MDFIC2: variants seen among roughly 807,000 people sequenced by gnomAD.
MDFIC2 encodes MyoD family inhibitor domain containing 2.
At chr3:70,251,133 G>A (rs1305969061) in intron 2 of MDFIC2, among the ~76,000 whole-genome samples, 3 of 152,136 alleles carry the variant, frequency 2.0e-5, no homozygotes, top group Non-Finnish European at 4.4e-5. Context: ...GTGGTTAATT[G>A]TAATTCCATT....
chr3:70,219,319 T>C (rs533918638), intron 2 of MDFIC2, among the ~76,000 whole-genome samples: 1 of 152,298 alleles, frequency 6.6e-6, no homozygotes, highest in Admixed American at 6.5e-5. Context: ...GAAAGTAGAA[T>C]GGAATTAGTG....
At chr3:70,273,300 C>G (rs1409182206) in intron 2 of MDFIC2, among the ~76,000 whole-genome samples, 1 of 152,178 alleles carries the variant, frequency 6.6e-6, no homozygotes, top group Non-Finnish European at 1.5e-5. Flanking sequence ...TCTCTGAAGA[C>G]TACTCTAAGG....
intron 2 of MDFIC2, among the ~76,000 whole-genome samples, chr3:70,259,639 C>T (rs1262087244): frequency 6.6e-6 from 1 of 152,170 alleles, no homozygotes; most frequent in Non-Finnish European, 1.5e-5. Context: ...CCCTGAAAGT[C>T]TGACGTGTAA....
rs1362669941 is a variant in MDFIC2 at position 70,194,527 on chromosome 3, T to C, written c.*2399A>G. Among the ~76,000 whole-genome samples the C allele has an allele frequency of 6.6e-6, 1 of 152,184 alleles. No individual in the cohort carries two copies. Among genetic ancestry groups the C allele is most frequent in the Non-Finnish European group, 1.5e-5 (1 of 68,042 alleles). ...TATTATTGGTTATAAAGAAAAGAAA[T>C]TTCACACTTTGTATAACCGACCCTT... On this transcript the variant is annotated 3_prime_UTR_variant, in exon 4 of 4. Transcript: ENST00000567252.
chr3:70,207,857 T>C (rs2106725639), intron 2 of MDFIC2, among the ~76,000 whole-genome samples: 1 of 152,006 alleles, frequency 6.6e-6, no homozygotes, highest in African/African-American at 2.4e-5. Context: ...TGGAACCAGT[T>C]CCCCTCAGAC....
At chr3:70,256,597 C>T (rs577443040) in intron 2 of MDFIC2, among the ~76,000 whole-genome samples, 2 of 152,234 alleles carry the variant, frequency 1.3e-5, no homozygotes, top group African/African-American at 2.4e-5. Context: ...GCTGCTCCAT[C>T]AGTAAATAAT....
At chr3:70,283,816 G>C (rs1702113091) in intron 2 of MDFIC2, 1 of 151,626 alleles carries the variant, frequency 6.6e-6, no homozygotes, top group African/African-American at 2.4e-5. Context: ...AGGCAAATAT[G>C]GCCAAATGTT....
At chr3:70,276,561 C>A (rs1321589645) in intron 2 of MDFIC2, among the ~76,000 whole-genome samples, 10 of 152,164 alleles carry the variant, frequency 6.6e-5, no homozygotes, top group Admixed American at 6.5e-4. Flanking sequence ...CATATGCAAT[C>A]TGTGCTTTGT....
chr3:70,210,152 G>A (rs1258589690), intron 2 of MDFIC2, among the ~76,000 whole-genome samples: 1 of 152,090 alleles, frequency 6.6e-6, no homozygotes, highest in African/African-American at 2.4e-5. Context: ...ACAGTATACA[G>A]CCAAGTGGTA....
chr3:70,282,698 G>A lies in MDFIC2; in HGVS notation c.88+29188C>T, dbSNP rs114173665. Among the ~76,000 whole-genome samples, 700 of 152,216 alleles carry A rather than the reference G, an allele frequency of 4.6e-3. 7 individuals are homozygous for A. Among genetic ancestry groups the A allele is most frequent in the African/African-American group, 0.016 (676 of 41,532 alleles). On this transcript the variant is annotated intron_variant, in intron 2 of 3. Transcript: ENST00000567252. ...CTGCCAAATAAGAGAGGCCTTCCTCGACTACCTTGTCTATGCCCTTCTTGC... is the reference window on the plus strand; with the variant it reads ...CTGCCAAATAAGAGAGGCCTTCCTCAACTACCTTGTCTATGCCCTTCTTGC...
At chr3:70,264,663 A>G (rs191829469) in intron 2 of MDFIC2, among the ~76,000 whole-genome samples, 8 of 152,366 alleles carry the variant, frequency 5.3e-5, no homozygotes, top group African/African-American at 1.9e-4. Flanking sequence ...ACTTTGCTAA[A>G]GACTCACTTT....
intron 2 of MDFIC2, among the ~76,000 whole-genome samples, chr3:70,250,244 T>C (rs1036688486): frequency 6.6e-6 from 1 of 152,212 alleles, no homozygotes; most frequent in Admixed American, 6.5e-5. Context: ...CTTGTGCTGC[T>C]GAAGCACCAA....
chr3:70,275,935 A>C (rs1702020988), intron 2 of MDFIC2, among the ~76,000 whole-genome samples: 1 of 152,138 alleles, frequency 6.6e-6, no homozygotes, highest in Non-Finnish European at 1.5e-5. Flanking sequence ...ATGGTAACTA[A>C]TCAGCTTTGA....
intron 2 of MDFIC2, among the ~76,000 whole-genome samples, chr3:70,278,863 A>C (rs1411291091): frequency 1.3e-5 from 2 of 151,988 alleles, no homozygotes; most frequent in Non-Finnish European, 2.9e-5. Flanking sequence ...GGTTGTTGTA[A>C]AAACAAATGA....
At position 70,224,020 on chromosome 3, in the gene MDFIC2, T is replaced by C. The variant is rs1701481880; in HGVS notation, c.89-17230A>G. Reference sequence around the variant, plus strand: ...AAGACTGCAGTATCTACAGTCTTTATATATTTCCCCATATATCTTGATCTC... The same window carrying C: ...AAGACTGCAGTATCTACAGTCTTTACATATTTCCCCATATATCTTGATCTC... On this transcript the variant is annotated intron_variant, in intron 2 of 3. Transcript: ENST00000567252. 3.3e-5 allele frequency among the ~76,000 whole-genome samples: 5 copies of C among 152,176 alleles called. No individual in the cohort carries two copies. In the South Asian group the frequency reaches 1.0e-3, roughly 32 times the overall value.
intron 2 of MDFIC2, among the ~76,000 whole-genome samples, chr3:70,276,326 T>C (rs1702025681): frequency 1.3e-5 from 2 of 152,234 alleles, no homozygotes; most frequent in African/African-American, 4.8e-5. Flanking sequence ...TATTATTCCA[T>C]CTTATGAACA....
intron 2 of MDFIC2, among the ~76,000 whole-genome samples, chr3:70,229,398 A>T (rs1251691592): frequency 1.3e-5 from 2 of 152,182 alleles, no homozygotes; most frequent in African/African-American, 4.8e-5. Context: ...CATTTTAATT[A>T]CCCTCTCTTT....
At chr3:70,282,406 G>C (rs572986388) in intron 2 of MDFIC2, among the ~76,000 whole-genome samples, 28 of 152,112 alleles carry the variant, frequency 1.8e-4, no homozygotes, top group Non-Finnish European at 3.7e-4. Context: ...GATCATGTTA[G>C]TTACAGAAGC....
intron 2 of MDFIC2, among the ~76,000 whole-genome samples, chr3:70,232,077 G>A (rs193193813): frequency 6.6e-6 from 1 of 152,100 alleles, no homozygotes; most frequent in Non-Finnish European, 1.5e-5. Flanking sequence ...TAATGAACTG[G>A]GAGATGTGCT....
Sources: allele counts gnomAD v4.1 joint callset (sites outside exome capture counted in the v4.1 genomes callset), GRCh38; gene constraint gnomAD v4.1.1; transcripts MANE v1.5; gene names NCBI Gene and HGNC (gene_info 2026-07-23, HGNC 2026-07-21).